The following SORBS3 variants were observed in gnomAD, a reference collection of about 807,000 sequenced individuals.
SORBS3 encodes the protein sorbin and SH3 domain containing 3.
In SORBS3, 69 loss-of-function variants were observed where a neutral mutation model predicts 98.0. The observed-to-expected ratio is 0.70, with a 90% confidence interval of 0.58 to 0.86. The LOEUF is 0.86. Ranked by LOEUF, SORBS3 falls within the 40% of genes least tolerant of loss-of-function variation. SORBS3 has a pLI of 0.00. For synonymous variants in SORBS3, 394 were observed against 355.4 expected (o/e 1.11, Z -1.22); for missense variants, 954 against 908.5 (o/e 1.05, Z -0.64).
chr8:22,575,355 G>A lies in SORBS3; in HGVS notation c.*627G>A, dbSNP rs548218784. On this transcript the variant is annotated 3_prime_UTR_variant, in exon 21 of 21. Transcript: ENST00000240123. Reference sequence around the variant, plus strand: ...GGCCCTGGCCCTGGCATATCACCCCGCACTGTGGGGCCAGGCACCACTAGC... The same window carrying A: ...GGCCCTGGCCCTGGCATATCACCCCACACTGTGGGGCCAGGCACCACTAGC... The A allele has an allele frequency of 5.7e-5, 11 of 193,426 alleles. No homozygotes were observed. Among genetic ancestry groups the A allele is most frequent in the East Asian group, 5.3e-4 (3 of 5,694 alleles). 12.0% of individuals were successfully genotyped at this position (193,426 alleles called of 1,614,324 possible). A position where few individuals can be genotyped will look rare whatever the true frequency, so the allele number is the denominator to read the frequency against.
intron 7 of SORBS3, among the ~76,000 whole-genome samples, chr8:22,562,702 C>A (rs1840320911): frequency 6.6e-6 from 1 of 152,230 alleles, no homozygotes; most frequent in South Asian, 2.1e-4. Context: ...TCAGTCTGAG[C>A]CTCTGTGTCC....
At chr8:22,555,066 G>A in intron 3 of SORBS3, 86 bp downstream of exon 3, 6 of 1,156,028 alleles carry the variant, frequency 5.2e-6, no homozygotes, top group Admixed American at 1.9e-5. Flanking sequence ...GGGAGGGGCA[G>A]CAGCTGGAGA....
chr8:22,547,595 C>G (rs1268554142), upstream of SORBS3, among the ~76,000 whole-genome samples: 1 of 152,198 alleles, frequency 6.6e-6, no homozygotes, highest in Admixed American at 6.5e-5. Context: ...AAGGCTGATG[C>G]AGACCTAATT....
At chr8:22,558,317 CTAA>C in intron 5 of SORBS3, 125 bp downstream of exon 5, 2 of 878,668 alleles carry the variant, frequency 2.3e-6, no homozygotes, top group Non-Finnish European at 3.8e-6. Flanking sequence ...CTCCCAGGCT[CTAA>C]TGAGTAGTCC....
At position 22,564,267 on chromosome 8, in the gene SORBS3, A is replaced by G. The variant is rs756541953; in HGVS notation, c.676-16A>G. ...TAGCCCTCTTCACAAGCTGACACCC[A>G]CCCACCTCCACGCAGGTGCTCAGAC... On this transcript the variant is annotated splice_polypyrimidine_tract_variant and intron_variant, in intron 8 of 20. Coordinates refer to ENST00000240123, the MANE Select transcript of SORBS3 (RefSeq NM_005775.5). The G allele has an allele frequency of 3.8e-6, 6 of 1,572,276 alleles. No individual in the cohort carries two copies. Among genetic ancestry groups the G allele is most frequent in the South Asian group, 2.3e-5 (2 of 87,480 alleles).
At chr8:22,551,785 G>A (rs1448231182), upstream of SORBS3, 3 of 984,534 alleles carry the variant, frequency 3.0e-6, no homozygotes, top group African/African-American at 1.8e-5. The surrounding 1 kb of genome is among the most constrained non-coding windows in gnomAD (Gnocchi z 5.8). Flanking sequence ...CCCAAACTCC[G>A]CCCGCCCCGC....
intron 19 of SORBS3, among the ~76,000 whole-genome samples, 161 bp from the exon 20 acceptor site, chr8:22,572,179 C>T (rs1034271491): frequency 3.3e-5 from 5 of 152,166 alleles, no homozygotes; most frequent in African/African-American, 1.2e-4. Flanking sequence ...AGGAGGCAGG[C>T]CTGGGAAAGA....
At chr8:22,569,868 T>C (rs1209161455) in intron 17 of SORBS3, among the ~76,000 whole-genome samples, 2 of 152,112 alleles carry the variant, frequency 1.3e-5, no homozygotes, top group Non-Finnish European at 2.9e-5. Context: ...TAAAAGATCA[T>C]CATAAACTTC....
At chr8:22,558,562 TG>T (rs35300341) in intron 5 of SORBS3, among the ~76,000 whole-genome samples, 50,087 of 152,150 alleles carry the variant, frequency 0.33, 8,659 homozygotes, top group East Asian at 0.4. Context: ...CAGCCAACCC[TG>T]GGGGTGCCTA....
At chr8:22,568,337 C>G (rs13275865) in intron 16 of SORBS3, among the ~76,000 whole-genome samples, 28,870 of 152,096 alleles carry the variant, frequency 0.19, 3,341 homozygotes, top group Non-Finnish European at 0.25. Context: ...TGTTATTTTT[C>G]TAAGTTTCTT....
In SORBS3 at chr8:22,564,069, T is replaced by C. The variant is rs1481485531; in HGVS notation, c.667T>C (p.Ser223Pro). Residue 223 changes from serine (S) to proline (P), a missense_variant, in exon 8 of 21, where the codon TCA (serine) becomes CCA (proline). Ser to Pro is a moderately conservative substitution (Grantham distance 74). Coordinates refer to ENST00000240123, the MANE Select transcript of SORBS3 (RefSeq NM_005775.5). ...PGAFSTVLQP[S>P]NQVLRRREKV... ...AGCATTCTCCACTGTGCTGCAGCCC[T>C]CAAATCAGGTAGCCCACCCAGCATA... 6.2e-7 allele frequency: 1 copy of C among 1,613,602 alleles called. No individual in the cohort carries two copies. The highest frequency in any genetic ancestry group is 8.5e-7 in the Non-Finnish European group (1 of 1,179,954).
intron 5 of SORBS3, among the ~76,000 whole-genome samples, chr8:22,558,579 T>A (rs28411152): frequency 0.028 from 4,260 of 152,322 alleles, 192 homozygotes; most frequent in African/African-American, 0.097. Flanking sequence ...GCCTATGAGC[T>A]GGCTCCGAGG....
chr8:22,549,162 C>T (rs1463881211), upstream of SORBS3, among the ~76,000 whole-genome samples: 1 of 152,222 alleles, frequency 6.6e-6, no homozygotes, highest in Non-Finnish European at 1.5e-5. Flanking sequence ...AAGGCAGAGG[C>T]AGCCCCTGAC....
chr8:22,575,106 A>C lies in SORBS3; in HGVS notation c.*378A>C. ...GCTTTGCCCCCACGGGGTTCCTCTA[A>C]CCAGAACCAGCTTCCTAGCCTCGTA... On this transcript the variant is annotated 3_prime_UTR_variant, in exon 21 of 21. Coordinates refer to ENST00000240123, the MANE Select transcript of SORBS3 (RefSeq NM_005775.5). 1 of 376,822 alleles carries C rather than the reference A, an allele frequency of 2.7e-6. No individual in the cohort carries two copies. The highest frequency in any genetic ancestry group is 5.3e-6 in the Non-Finnish European group (1 of 189,746). The allele number at this position is 376,822 out of a possible 1,614,324, so 23.3% of individuals were successfully genotyped here.
At chr8:22,559,461 G>A (rs1368718693) in intron 5 of SORBS3, among the ~76,000 whole-genome samples, 11 of 152,220 alleles carry the variant, frequency 7.2e-5, no homozygotes, top group African/African-American at 2.7e-4. Context: ...AGCACTTTGG[G>A]AGGCCAAGGT....
In SORBS3 at chr8:22,574,740, G is replaced by T; in HGVS notation, c.*12G>T. ...TTGCCCCGGTGTGAGTGGTCTCCAT[G>T]GCAACTTGGAGCCAGCCAGGATGGG... On this transcript the variant is annotated 3_prime_UTR_variant, in exon 21 of 21. Coordinates refer to ENST00000240123, the MANE Select transcript of SORBS3 (RefSeq NM_005775.5). 1 of 1,610,806 alleles carries T rather than the reference G, an allele frequency of 6.2e-7. No individual in the cohort carries two copies. Among genetic ancestry groups the T allele is most frequent in the Non-Finnish European group, 8.5e-7 (1 of 1,177,506 alleles).
At chr8:22,557,998 G>A (rs1840218733) in intron 4 of SORBS3, 131 bp from the exon 5 acceptor site, 3 of 804,210 alleles carry the variant, frequency 3.7e-6, no homozygotes, top group Non-Finnish European at 6.7e-6. Flanking sequence ...CGCAAGAGAA[G>A]CATTTCCCAG....
chr8:22,550,696 G>A (rs1232113573), upstream of SORBS3, among the ~76,000 whole-genome samples: 2 of 152,228 alleles, frequency 1.3e-5, no homozygotes, highest in African/African-American at 2.4e-5. Flanking sequence ...GTTGAGTGGT[G>A]AGCTTGGAAA....
intron 16 of SORBS3, 90 bp downstream of exon 16, chr8:22,567,265 CA>C: frequency 1.1e-6 from 1 of 915,272 alleles, no homozygotes; most frequent in Non-Finnish European, 1.7e-6. Context: ...TTTCCTAAAG[CA>C]AAAAACTGTG....
Sources: allele counts gnomAD v4.1 joint callset (sites outside exome capture counted in the v4.1 genomes callset), GRCh38; gene constraint gnomAD v4.1.1; non-coding constraint Gnocchi (gnomAD v3.1); transcripts MANE v1.5; gene names NCBI Gene and HGNC (gene_info 2026-07-23, HGNC 2026-07-21).